XIRP2: variants seen among roughly 807,000 people sequenced by gnomAD.
XIRP2 encodes xin actin-binding repeat-containing protein 2.
In XIRP2, 236 loss-of-function variants were observed where a neutral mutation model predicts 277.0. That is an observed-to-expected ratio of 0.85 (90% confidence interval 0.77 to 0.95). The LOEUF (loss-of-function observed/expected upper bound fraction) is 0.95. XIRP2 is among the 40% of genes least tolerant of loss of function. The probability of loss-of-function intolerance (pLI) is 0.00; values close to 1 mark genes in which losing one functional copy is unlikely to be tolerated. For missense variants in XIRP2, 4,640 were observed against 4,157.5 expected (o/e 1.12, Z -3.19); for synonymous variants, 1,490 against 1,416.5 (o/e 1.05, Z -1.17).
At chr2:166,928,860 G>A (rs1483214992) in intron 2 of XIRP2, among the ~76,000 whole-genome samples, 2 of 152,082 alleles carry the variant, frequency 1.3e-5, no homozygotes, top group African/African-American at 4.8e-5. Context: ...CAGGAAGACT[G>A]TGCTTTGGAC....
chr2:167,094,846 C>A, intron 2 of XIRP2, among the ~76,000 whole-genome samples: 1 of 152,220 alleles, frequency 6.6e-6, no homozygotes, highest in Non-Finnish European at 1.5e-5. Context: ...TTTTCTAATT[C>A]TGTGAAGGAA....
At chr2:166,926,022 T>G (rs575826805) in intron 2 of XIRP2, among the ~76,000 whole-genome samples, 1 of 152,056 alleles carries the variant, frequency 6.6e-6, no homozygotes, top group Admixed American at 6.6e-5. Flanking sequence ...TATAGTAAGC[T>G]ACAATGGTGC....
intron 5 of XIRP2, among the ~76,000 whole-genome samples, chr2:167,219,438 T>C (rs1053404320): frequency 1.3e-5 from 2 of 152,200 alleles, no homozygotes; most frequent in African/African-American, 4.8e-5. Context: ...AAATTCTACA[T>C]AGAAATATCA....
chr2:167,244,121 G>C lies in XIRP2; in HGVS notation c.2729G>C (p.Arg910Thr). The change falls in exon 9 of 11, where the codon AGG (arginine) becomes ACG (threonine). Residue 910 changes from arginine to threonine, a missense_variant. Arg to Thr is a moderately conservative substitution (Grantham distance 71). Transcript: ENST00000409195. ...TASEEEKGDV[R>T]HQKWIFETQP... ...TCTGAAGAAGAAAAAGGGGATGTTAGGCATCAAAAATGGATTTTTGAAACC... is the reference window on the plus strand; with the variant it reads ...TCTGAAGAAGAAAAAGGGGATGTTACGCATCAAAAATGGATTTTTGAAACC... 1 of 1,613,844 alleles carries C rather than the reference G, an allele frequency of 6.2e-7. No homozygotes were observed. The highest frequency in any genetic ancestry group is 1.1e-5 in the South Asian group (1 of 91,072).
chr2:167,035,639 C>A (rs115418173), intron 2 of XIRP2, among the ~76,000 whole-genome samples: 5,517 of 152,224 alleles, frequency 0.036, 115 homozygotes, highest in East Asian at 0.055. Context: ...CATGGGCAGC[C>A]TGACAATGTG....
At chr2:167,068,080 A>C (rs7592671) in intron 2 of XIRP2, among the ~76,000 whole-genome samples, 34,803 of 151,998 alleles carry the variant, frequency 0.23, 7,204 homozygotes, top group African/African-American at 0.55. Context: ...GTCTTAAACA[A>C]TTTTCTACAT....
chr2:166,945,663 CTTTT>C (rs71395267), intron 2 of XIRP2, among the ~76,000 whole-genome samples: 1 of 69,264 alleles, frequency 1.4e-5, no homozygotes, highest in Non-Finnish European at 2.5e-5. Context: ...TAAGATAAAT[CTTTT>C]TTTTTTTTTT....
intron 3 of XIRP2, among the ~76,000 whole-genome samples, chr2:167,199,466 C>T (rs1185651344): frequency 6.6e-6 from 1 of 152,156 alleles, no homozygotes; most frequent in African/African-American, 2.4e-5. Flanking sequence ...CATGACCCAG[C>T]TTCATATGGA....
At chr2:167,207,460 C>T (rs573408426) in intron 3 of XIRP2, among the ~76,000 whole-genome samples, 8 of 152,208 alleles carry the variant, frequency 5.3e-5, no homozygotes, top group African/African-American at 1.9e-4. Context: ...CTTTCTGTTA[C>T]GGAATGCAGA....
At chr2:167,018,685 C>A (rs1410563413) in intron 2 of XIRP2, among the ~76,000 whole-genome samples, 6 of 152,040 alleles carry the variant, frequency 3.9e-5, no homozygotes, top group African/African-American at 1.2e-4. Flanking sequence ...TCAGTCCATT[C>A]TGCTCCTTGA....
At chr2:167,224,442 T>C (rs1037726270) in intron 5 of XIRP2, among the ~76,000 whole-genome samples, 1 of 151,942 alleles carries the variant, frequency 6.6e-6, no homozygotes, top group African/African-American at 2.4e-5. Context: ...AGATGGGGTT[T>C]CACCATTTTT....
intron 2 of XIRP2, among the ~76,000 whole-genome samples, chr2:167,104,116 G>T (rs1019312499): frequency 1.3e-5 from 2 of 152,042 alleles, no homozygotes; most frequent in Non-Finnish European, 2.9e-5. Context: ...GTTCTTCTAT[G>T]ATTAATTCTC....
At chr2:167,108,875 C>A (rs1250331324) in intron 2 of XIRP2, among the ~76,000 whole-genome samples, 4 of 149,698 alleles carry the variant, frequency 2.7e-5, no homozygotes, top group African/African-American at 9.8e-5. Context: ...CTTTTTTAAT[C>A]TTTTATTTTA....
intron 2 of XIRP2, among the ~76,000 whole-genome samples, chr2:167,068,145 A>G (rs1328685213): frequency 6.6e-6 from 1 of 152,190 alleles, no homozygotes; most frequent in Non-Finnish European, 1.5e-5. Context: ...GTCTTGTATT[A>G]CATTTCACAA....
chr2:167,178,210 C>T (rs1240601903), intron 3 of XIRP2, among the ~76,000 whole-genome samples: 1 of 152,014 alleles, frequency 6.6e-6, no homozygotes, highest in Non-Finnish European at 1.5e-5. Flanking sequence ...AAAAACTTAA[C>T]AGCAATCAGT....
At chr2:167,053,336 G>T (rs1427281258) in intron 2 of XIRP2, among the ~76,000 whole-genome samples, 1 of 151,946 alleles carries the variant, frequency 6.6e-6, no homozygotes, top group Non-Finnish European at 1.5e-5. Context: ...TTGTATATTC[G>T]ATATATAGCT....
intron 5 of XIRP2, among the ~76,000 whole-genome samples, chr2:167,225,924 C>T (rs1341481378): frequency 1.3e-5 from 2 of 152,090 alleles, no homozygotes; most frequent in Admixed American, 6.6e-5. Context: ...AATGCTGAAG[C>T]GGAATTGGAA....
chr2:166,914,903 G>A lies in XIRP2; in HGVS notation c.408+11013G>A, dbSNP rs955558625. Among the ~76,000 whole-genome samples the A allele has an allele frequency of 2.6e-5, 4 of 152,194 alleles. No individual in the cohort carries two copies. In the South Asian group the frequency reaches 8.3e-4, roughly 32 times the overall value. ...TCAAGAAACTTCAGTAAATCATAAT[G>A]TCTTAGTTTTAATTCATCTGTCTTG... On this transcript the variant is annotated intron_variant, in intron 2 of 10. Transcript: ENST00000409195.
chr2:167,094,509 G>T (rs1690241115), intron 2 of XIRP2, among the ~76,000 whole-genome samples: 1 of 152,094 alleles, frequency 6.6e-6, no homozygotes, highest in Admixed American at 6.6e-5. Context: ...GTAAGGAAGG[G>T]GTCTAGTTTC....
Sources: allele counts gnomAD v4.1 joint callset (sites outside exome capture counted in the v4.1 genomes callset), GRCh38; gene constraint gnomAD v4.1.1; transcripts MANE v1.5; gene names NCBI Gene and HGNC (gene_info 2026-07-23, HGNC 2026-07-21).